SASH1: variants seen among roughly 807,000 people sequenced by gnomAD.
The protein encoded by SASH1 is SAM and SH3 domain-containing protein 1.
SASH1 carries 44 observed loss-of-function variants against 125.2 expected under a neutral mutation model. The observed-to-expected ratio is 0.35, with a 90% CI of 0.28 to 0.45. The LOEUF (loss-of-function observed/expected upper bound fraction) is 0.45, where lower values mean the gene tolerates loss of function less well. SASH1 is among the 20% of genes least tolerant of loss of function. The pLI, the probability that SASH1 is intolerant of heterozygous loss-of-function variation, is 1.00. For synonymous variants in SASH1, 639 were observed against 649.1 expected (o/e 0.98, Z 0.24); for missense variants, 1,426 against 1,614.5 (o/e 0.88, Z 2.00).
the SASH1 span, among the ~76,000 whole-genome samples, chr6:148,211,679 A>G: frequency 2.8e-4 from 43 of 152,312 alleles, no homozygotes; most frequent in African/African-American, 1.0e-3. Context: ...TTAAAGTAAC[A>G]TGCCCAAGTT....
At chr6:148,433,406 CTTTTTTTTTT>C (rs5880780) in intron 2 of SASH1, among the ~76,000 whole-genome samples, 25 of 128,002 alleles carry the variant, frequency 2.0e-4, no homozygotes, top group African/African-American at 7.1e-4. Context: ...TTTCTTTTTT[CTTTTTTTTTT>C]TTTTTTTTGA....
chr6:148,440,068 C>T, intron 2 of SASH1, 116 bp from the exon 3 acceptor site: 1 of 870,210 alleles, frequency 1.1e-6, no homozygotes, highest in Admixed American at 2.0e-5. Context: ...CCATCTCCTC[C>T]CACTCTATAC....
At chr6:148,264,043 C>T in the SASH1 span, among the ~76,000 whole-genome samples, 1 of 152,142 alleles carries the variant, frequency 6.6e-6, no homozygotes, top group Admixed American at 6.5e-5. Context: ...GCCCCTAGGG[C>T]TCAACCTGAG....
chr6:148,254,051 C>T, the SASH1 span, among the ~76,000 whole-genome samples: 2 of 151,518 alleles, frequency 1.3e-5, no homozygotes, highest in Non-Finnish European at 2.9e-5. Flanking sequence ...ACTAAAAATA[C>T]AAAAATTAAC....
the SASH1 span, among the ~76,000 whole-genome samples, chr6:148,194,837 C>T: frequency 2.6e-5 from 4 of 152,300 alleles, no homozygotes; most frequent in East Asian, 5.8e-4. Context: ...ACCTAGGAGG[C>T]GGAGCTGGCA....
chr6:148,247,790 T>G, the SASH1 span, among the ~76,000 whole-genome samples: 1 of 152,230 alleles, frequency 6.6e-6, no homozygotes, highest in Non-Finnish European at 1.5e-5. Flanking sequence ...AACCGAATGT[T>G]AAGTTATGGA....
rs550180169 is a variant in SASH1, at chr6:148,377,640, T to C, written c.157-12494T>C. On this transcript the variant is annotated intron_variant, in intron 1 of 19. Coordinates refer to ENST00000367467, the MANE Select transcript of SASH1 (RefSeq NM_015278.5). ...AAAACCCTGTGGTCTTTGGTTACTCTTAATTCATCTTTGAAATAAAGTTAT... is the reference window on the plus strand; with the variant it reads ...AAAACCCTGTGGTCTTTGGTTACTCCTAATTCATCTTTGAAATAAAGTTAT... Among the ~76,000 whole-genome samples the C allele has an allele frequency of 1.0e-4, 16 of 152,384 alleles. No individual in the cohort carries two copies. The East Asian group carries it at 3.1e-3, about 29-fold the overall frequency.
At position 148,502,130 on chromosome 6, in the gene SASH1, C is replaced by A. The variant is rs547344698; in HGVS notation, c.730-12194C>A. Reference sequence around the variant, plus strand: ...TTCTCTCTGCCGCCGCCTCCTCCTCCGTCTCTTTCTTCAAATCTGGCAACA... The same window carrying A: ...TTCTCTCTGCCGCCGCCTCCTCCTCAGTCTCTTTCTTCAAATCTGGCAACA... On this transcript the variant is annotated intron_variant, in intron 8 of 19. Transcript: ENST00000367467. Among the ~76,000 whole-genome samples the A allele has an allele frequency of 4.6e-5, 7 of 152,298 alleles. No individual in the cohort carries two copies. The East Asian group carries it at 1.3e-3, about 29-fold the overall frequency.
intron 19 of SASH1, among the ~76,000 whole-genome samples, chr6:148,547,252 G>A (rs568054185): frequency 2.0e-5 from 3 of 152,248 alleles, no homozygotes; most frequent in Admixed American, 6.5e-5. Flanking sequence ...CTGCATTACC[G>A]CAACAGTTGA....
At chr6:148,467,972 A>G (rs62432315) in intron 4 of SASH1, among the ~76,000 whole-genome samples, 13,831 of 152,222 alleles carry the variant, frequency 0.091, 747 homozygotes, top group Middle Eastern at 0.14. Context: ...CTTTTTGAAC[A>G]TTGGAAGATT....
chr6:148,504,469 A>G (rs1779687978), intron 8 of SASH1, among the ~76,000 whole-genome samples: 1 of 152,076 alleles, frequency 6.6e-6, no homozygotes, highest in African/African-American at 2.4e-5. Flanking sequence ...GTCCCTTCTC[A>G]GCAAATTTGC....
chr6:148,430,858 A>T (rs1373285487), intron 2 of SASH1, among the ~76,000 whole-genome samples: 2 of 152,220 alleles, frequency 1.3e-5, no homozygotes, highest in East Asian at 3.8e-4. Flanking sequence ...GATGGAGTTG[A>T]CAATAGTGAT....
At chr6:148,480,019 T>G (rs1430640689) in intron 7 of SASH1, 1 of 152,554 alleles carries the variant, frequency 6.6e-6, no homozygotes, top group African/African-American at 2.4e-5. Context: ...AGCAGAAAAC[T>G]GTCCGTGGAG....
At chr6:148,340,321 A>G (rs1447401256), upstream of SASH1, among the ~76,000 whole-genome samples, 1 of 151,928 alleles carries the variant, frequency 6.6e-6, no homozygotes, top group Non-Finnish European at 1.5e-5. Flanking sequence ...CGTCTCTACT[A>G]AAAATACAAA....
chr6:148,233,742 C>CAAA, the SASH1 span, among the ~76,000 whole-genome samples: 2,141 of 60,368 alleles, frequency 0.035, 275 homozygotes, highest in East Asian at 0.39. Context: ...TTCCTCTCTA[C>CAAA]AAAAAAAAAA....
chr6:148,326,409 C>CTTTTCTTTTCTTTTCTTTTT (rs1554235392), intron 1 of SASH1, among the ~76,000 whole-genome samples: 1 of 90,130 alleles, frequency 1.1e-5, no homozygotes, highest in Non-Finnish European at 2.2e-5. Context: ...CTTTTCTTTT[C>CTTTTCTTTTCTTTTCTTTTT]TTTTCTTTTT....
chr6:148,411,725 G>A (rs1784639514), intron 2 of SASH1, among the ~76,000 whole-genome samples: 1 of 152,084 alleles, frequency 6.6e-6, no homozygotes. Flanking sequence ...TGTACTTTTA[G>A]TAGAGACGCA....
chr6:148,546,201 G>A (rs1782557188), intron 19 of SASH1, 55 bp downstream of exon 19: 1 of 1,580,920 alleles, frequency 6.3e-7, no homozygotes, highest in African/African-American at 1.3e-5. Flanking sequence ...ATCACGCTTA[G>A]TGATGACCAT....
At chr6:148,326,650 C>A (rs143326165) in intron 1 of SASH1, among the ~76,000 whole-genome samples, 9,761 of 151,562 alleles carry the variant, frequency 0.064, 397 homozygotes, top group African/African-American at 0.11. Flanking sequence ...GATCCGCCTG[C>A]GTCGGCCTTC....
Sources: gnomAD v4.1 joint callset for allele counts (sites outside exome capture counted in the v4.1 genomes callset) on GRCh38, gnomAD v4.1.1 for gene constraint, MANE v1.5 for transcripts, NCBI Gene and HGNC (gene_info 2026-07-23, HGNC 2026-07-21) for gene names.